The following CCAR2 variants were observed in gnomAD, a reference collection of about 807,000 sequenced individuals.
CCAR2 encodes cell cycle and apoptosis regulator protein 2.
In CCAR2, 21 loss-of-function variants were observed where a neutral mutation model predicts 108.1. The observed-to-expected ratio is 0.19, with a 90% CI of 0.14 to 0.28. The LOEUF (loss-of-function observed/expected upper bound fraction) is 0.28, where lower values mean the gene tolerates loss of function less well. Among genes scored for constraint, CCAR2 ranks in the 10% least tolerant of loss-of-function variants. The probability of loss-of-function intolerance (pLI) is 1.00; values close to 1 mark genes in which losing one functional copy is unlikely to be tolerated. For missense variants in CCAR2, 1,126 were observed against 1,177.0 expected, an observed-to-expected ratio of 0.96 and a Z score of 0.63; for synonymous variants, 577 against 472.8, an observed-to-expected ratio of 1.22 and a Z score of -2.86.
At chr8:22,613,246 A>G (rs1485712926) in intron 8 of CCAR2, 110 bp downstream of exon 8, 1 of 1,220,092 alleles carries the variant, frequency 8.2e-7, no homozygotes, top group Non-Finnish European at 1.1e-6. Flanking sequence ...GCCTTTTCTT[A>G]CAAAACGAAA....
intron 7 of CCAR2, among the ~76,000 whole-genome samples, chr8:22,610,309 T>G (rs1328813203): frequency 6.6e-6 from 1 of 152,224 alleles, no homozygotes; most frequent in Non-Finnish European, 1.5e-5. Context: ...CCAAGCTTTA[T>G]TTTGAATTCC....
Position 22,615,679 on chromosome 8 carries a change from C to G in CCAR2, c.1378-3C>G. ...GAGGGTCTCATTTCAGCTGTTGTCA[C>G]AGGAAACGGAGCCTACTGAACAGGC... On this transcript the variant is annotated splice_region_variant and splice_polypyrimidine_tract_variant and intron_variant, in intron 12 of 20. Coordinates refer to ENST00000308511, the MANE Select transcript of CCAR2 (RefSeq NM_001393997.1). The G allele has an allele frequency of 6.2e-7, 1 of 1,613,752 alleles. No individual in the cohort carries two copies. The highest frequency in any genetic ancestry group is 8.5e-7 in the Non-Finnish European group (1 of 1,180,002).
In CCAR2 at chr8:22,606,907, C is replaced by T; in HGVS notation, c.243-3C>T. ...TGGGGCCTTCTGGCTTGTGTGCTGA[C>T]AGTGTGGTGAAGGGCCGTCTGCCCC... On this transcript the variant is annotated splice_polypyrimidine_tract_variant and splice_region_variant and intron_variant, in intron 4 of 20. Coordinates refer to ENST00000308511, the MANE Select transcript of CCAR2 (RefSeq NM_001393997.1). 1.2e-6 allele frequency: 2 copies of T among 1,613,888 alleles called. No individual in the cohort carries two copies. The highest frequency in any genetic ancestry group is 1.7e-6 in the Non-Finnish European group (2 of 1,179,874).
At chr8:22,604,872 T>C (rs1801000428) in intron 1 of CCAR2, 30 bp downstream of exon 1, 2 of 447,268 alleles carry the variant, frequency 4.5e-6, no homozygotes, top group Non-Finnish European at 9.0e-6. Flanking sequence ...GCCGCCCCTC[T>C]GCCCCTTCGC....
Position 22,618,455 on chromosome 8 carries a change from G to A in CCAR2, c.2180G>A (p.Arg727Lys), listed in dbSNP as rs754758657. The stretch of plus-strand genomic sequence containing the variant: ...TACTTGCACCGGCGAGACTTAGAGA[G>A]GATCCTCCTTACCCTTGGGATCCGG... ...CGYLHRRDLE[R>K]ILLTLGIRLS... Residue 727 changes from arginine (R) to lysine (K), a missense_variant, in exon 17 of 21, where the codon AGG becomes AAG. Transcript: ENST00000308511. The A allele has an allele frequency of 1.2e-6, 2 of 1,614,224 alleles. No homozygotes were observed. The highest frequency in any genetic ancestry group is 8.5e-7 in the Non-Finnish European group (1 of 1,180,048).
Position 22,616,028 on chromosome 8 carries a change from A to C in CCAR2, c.1625A>C (p.Glu542Ala), listed in dbSNP as rs749577380. 1.9e-6 allele frequency: 3 copies of C among 1,613,742 alleles called. No homozygotes were observed. The highest frequency in any genetic ancestry group is 4.5e-5 in the East Asian group (2 of 44,880). Reference sequence around the variant, plus strand: ...CCCCATCAGGTGATGGTGCTGGCCGAGCTGTTTCTGGAGATGCTCCAGAGG... The same window carrying C: ...CCCCATCAGGTGATGGTGCTGGCCGCGCTGTTTCTGGAGATGCTCCAGAGG... The part of the protein sequence containing the change: ...RISFEVMVLA[E>A]LFLEMLQRDF... The change falls in exon 14 of 21, where the codon GAG (glutamate) becomes GCG (alanine). Residue 542 changes from glutamate (E) to alanine (A), a missense_variant. Physicochemically the swap from Glu to Ala is moderately radical, Grantham distance 107 (BLOSUM62 -1). This residue lies in a region of CCAR2 where 1,013 missense variants were observed against 993.9 expected (regional missense o/e 1.02). Coordinates refer to ENST00000308511, the MANE Select transcript of CCAR2 (RefSeq NM_001393997.1).
chr8:22,604,917 G>A (rs1801004068), intron 1 of CCAR2, 75 bp downstream of exon 1: 2 of 374,006 alleles, frequency 5.3e-6, no homozygotes, highest in Admixed American at 3.4e-5. Context: ...GGGCTGCGAG[G>A]GCCGGGCGGC....
chr8:22,615,981 A>G, intron 13 of CCAR2, 31 bp from the exon 14 acceptor site: 1 of 1,612,758 alleles, frequency 6.2e-7, no homozygotes, highest in Non-Finnish European at 8.5e-7. Context: ...TTTCTTCCTG[A>G]TGCTCATGGA....
chr8:22,606,758 C>A, intron 4 of CCAR2, 60 bp downstream of exon 4: 1 of 1,482,214 alleles, frequency 6.7e-7, no homozygotes, highest in Non-Finnish European at 9.4e-7. Context: ...TGTCACCATG[C>A]TGGTATTGCC....
chr8:22,615,032 C>T, intron 11 of CCAR2, 31 bp downstream of exon 11: 2 of 1,520,254 alleles, frequency 1.3e-6, no homozygotes, highest in Non-Finnish European at 1.8e-6. Context: ...TCAGCTGCAC[C>T]AACGCACCAG....
At chr8:22,612,926 A>ATTTCGAT (rs1801346864) in intron 7 of CCAR2, 91 bp from the exon 8 acceptor site, 2 of 1,386,694 alleles carry the variant, frequency 1.4e-6, no homozygotes, top group South Asian at 1.4e-5. Context: ...AATGTGAGGG[A>ATTTCGAT]TTTCGATTGT....
Position 22,608,084 on chromosome 8 carries a change from T to C in CCAR2, c.584+19T>C, listed in dbSNP as rs767452476. ...GCCGAAGGTAAGAGGATGATGTCCC[T>C]TTTTTTGGCCACTTGTTGACACTAA... is the stretch of plus-strand genomic sequence containing the variant. On this transcript the variant is annotated intron_variant, in intron 7 of 20. Transcript: ENST00000308511. The C allele has an allele frequency of 6.4e-7, 1 of 1,571,672 alleles. No individual in the cohort carries two copies. Among genetic ancestry groups the C allele is most frequent in the South Asian group, 1.1e-5 (1 of 88,108 alleles).
intron 7 of CCAR2, among the ~76,000 whole-genome samples, chr8:22,610,633 A>G (rs1801236612): frequency 6.6e-6 from 1 of 152,260 alleles, no homozygotes; most frequent in African/African-American, 2.4e-5. Flanking sequence ...GCTAGAGAAG[A>G]AGGCCACTTT....
At chr8:22,619,486 G>T in intron 20 of CCAR2, 131 bp downstream of exon 20, 1 of 1,404,716 alleles carries the variant, frequency 7.1e-7, no homozygotes, top group South Asian at 1.3e-5. Context: ...TCCATCGCTT[G>T]CCAGGCAGTG....
At chr8:22,608,453 C>T (rs1381139528) in intron 7 of CCAR2, among the ~76,000 whole-genome samples, 2 of 152,178 alleles carry the variant, frequency 1.3e-5, no homozygotes, top group African/African-American at 2.4e-5. Context: ...TATCTGTTCT[C>T]GTTGTTTAAA....
At chr8:22,617,239 G>C in intron 14 of CCAR2, 181 bp from the exon 15 acceptor site, 2 of 636,700 alleles carry the variant, frequency 3.1e-6, no homozygotes, top group Non-Finnish European at 4.9e-6. Context: ...GGTGTCTGGC[G>C]ATGCCCTGGC....
chr8:22,616,894 TTTG>T (rs1208467469), intron 14 of CCAR2, among the ~76,000 whole-genome samples: 58 of 65,566 alleles, frequency 8.8e-4, no homozygotes, highest in South Asian at 1.3e-3. Context: ...TTTTTTTTTT[TTTG>T]GGGAGATGGA....
intron 7 of CCAR2, 46 bp downstream of exon 7, chr8:22,608,111 A>G (rs1801149453): frequency 1.4e-6 from 2 of 1,387,130 alleles, no homozygotes; most frequent in Non-Finnish European, 2.0e-6. Context: ...TGACACTAAC[A>G]TTCTCTTTAT....
Position 22,618,336 on chromosome 8 carries a change from G to C in CCAR2, c.2074-13G>C, listed in dbSNP as rs1257057162. The C allele has an allele frequency of 8.7e-6, 14 of 1,614,026 alleles. No individual in the cohort carries two copies. The highest frequency in any genetic ancestry group is 4.0e-5 in the African/African-American group (3 of 74,934). On this transcript the variant is annotated splice_polypyrimidine_tract_variant and intron_variant, in intron 16 of 20. Transcript: ENST00000308511. ...CTATTTGCAAATCCTGCTCATCTTT[G>C]TTTTCTTTGCAGCCCAAGGAGCTGG...
Sources: allele counts gnomAD v4.1 joint callset (sites outside exome capture counted in the v4.1 genomes callset), GRCh38; gene constraint gnomAD v4.1.1; regional missense constraint gnomAD v4.1.1; transcripts MANE v1.5; gene names NCBI Gene and HGNC (gene_info 2026-07-23, HGNC 2026-07-21).